GAB2: variants seen among roughly 807,000 people sequenced by gnomAD.
GAB2 encodes GRB2-associated-binding protein 2.
A neutral mutation model predicts 65.5 loss-of-function variants in GAB2; 26 were observed. The ratio of observed to expected loss-of-function variants is 0.40; its 90% confidence interval spans 0.29 to 0.55. The LOEUF (loss-of-function observed/expected upper bound fraction) is 0.55, where lower values mean the gene tolerates loss of function less well. GAB2 is among the 20% of genes least tolerant of loss of function. GAB2 has a pLI of 0.53. For synonymous variants in GAB2, 321 were observed against 329.6 expected (o/e 0.97, Z 0.28); for missense variants, 884 against 875.8 (o/e 1.01, Z -0.12).
chr11:78,411,899 G>A lies in GAB2; in HGVS notation c.75+5747C>T, dbSNP rs111619706. Among the ~76,000 whole-genome samples the A allele has an allele frequency of 4.6e-3, 693 of 152,048 alleles. 6 individuals are homozygous for A. The highest frequency in any genetic ancestry group is 7.5e-3 in the Non-Finnish European group (510 of 67,964). On this transcript the variant is annotated intron_variant, in intron 1 of 9. Coordinates refer to ENST00000361507, the MANE Select transcript of GAB2 (RefSeq NM_080491.3). ...ACAAAAATGAGCTGGGCATGGTGGC[G>A]CACACCTGTAGTCCCAGCTACTCAG...
intron 1 of GAB2, among the ~76,000 whole-genome samples, chr11:78,300,647 A>G (rs74405979): frequency 0.052 from 7,393 of 142,780 alleles, 625 homozygotes; most frequent in African/African-American, 0.18. Flanking sequence ...ACTGTAGGGG[A>G]TGGGTAATGT....
At chr11:78,272,031 C>T (rs1436783034) in intron 2 of GAB2, among the ~76,000 whole-genome samples, 1 of 152,236 alleles carries the variant, frequency 6.6e-6, no homozygotes, top group African/African-American at 2.4e-5. Flanking sequence ...ATTTGCTCCT[C>T]CTTTCCTTCT....
chr11:78,385,977 CCTGT>C (rs1437422165), intron 1 of GAB2, among the ~76,000 whole-genome samples: 4 of 152,102 alleles, frequency 2.6e-5, no homozygotes, highest in Admixed American at 2.0e-4. Context: ...GATATCTTTA[CCTGT>C]CTATCTATAC....
intron 1 of GAB2, among the ~76,000 whole-genome samples, chr11:78,315,145 G>A (rs1012117077): frequency 6.6e-6 from 1 of 152,194 alleles, no homozygotes; most frequent in Non-Finnish European, 1.5e-5. Flanking sequence ...CAGGGGGGAG[G>A]AGGTCTCTGA....
chr11:78,354,439 T>TTA (rs898469348), intron 1 of GAB2, among the ~76,000 whole-genome samples: 21 of 151,796 alleles, frequency 1.4e-4, no homozygotes, highest in South Asian at 2.1e-4. Context: ...GACATATATA[T>TTA]TATATATATA....
chr11:78,301,608 C>T (rs1233761534), intron 1 of GAB2, among the ~76,000 whole-genome samples: 1 of 152,176 alleles, frequency 6.6e-6, no homozygotes, highest in African/African-American at 2.4e-5. Flanking sequence ...GTTGGGATTA[C>T]AGGCGTGAGC....
At chr11:78,291,294 C>CAAAAAAAA (rs397848614) in intron 1 of GAB2, among the ~76,000 whole-genome samples, 6 of 103,892 alleles carry the variant, frequency 5.8e-5, no homozygotes, top group Non-Finnish European at 9.4e-5. Flanking sequence ...ACTAAAACGA[C>CAAAAAAAA]AAAAAAAAAA....
At chr11:78,383,150 T>C (rs770834433) in intron 1 of GAB2, among the ~76,000 whole-genome samples, 13 of 152,274 alleles carry the variant, frequency 8.5e-5, no homozygotes, top group Non-Finnish European at 1.9e-4. Context: ...CACATGCCTG[T>C]AGTCCCAGCT....
chr11:78,287,700 G>C (rs968317342), intron 1 of GAB2, among the ~76,000 whole-genome samples: 2 of 149,244 alleles, frequency 1.3e-5, no homozygotes, highest in African/African-American at 5.0e-5. Flanking sequence ...TCAGGGTGGA[G>C]TGCAGTGGCA....
In GAB2 at chr11:78,259,380, G is replaced by A. The variant is rs142964010; in HGVS notation, c.377-8980C>T. Among the ~76,000 whole-genome samples, 601 of 152,268 alleles carry A rather than the reference G, an allele frequency of 3.9e-3. 2 individuals carry two copies. The highest frequency in any genetic ancestry group is 6.9e-3 in the Non-Finnish European group (468 of 68,026). On this transcript the variant is annotated intron_variant, in intron 2 of 9. Transcript: ENST00000361507. ...AAAGTTCTAGTGCAGAGAGGATGACGAAAGAATTTTGACAACAGTATTTGA... is the reference window on the plus strand; with the variant it reads ...AAAGTTCTAGTGCAGAGAGGATGACAAAAGAATTTTGACAACAGTATTTGA...
rs185085027 is a variant in GAB2 at position 78,222,772 on chromosome 11, G to A, written c.1568-577C>T. Among the ~76,000 whole-genome samples, 31 of 152,118 alleles carry A rather than the reference G, an allele frequency of 2.0e-4. No homozygotes were observed. The East Asian group carries it at 5.0e-3, about 25-fold the overall frequency. ...TAATTTTTATATTTTTAGTAGAGAC[G>A]GGGTTTCACTATTTTGGCCAGGCTG... On this transcript the variant is annotated intron_variant, in intron 6 of 9. Transcript: ENST00000361507.
At chr11:78,309,949 TGTGTGTGTGTGTGTGTGTGTGTGCGC>T (rs1454295967) in intron 1 of GAB2, among the ~76,000 whole-genome samples, 104 of 139,152 alleles carry the variant, frequency 7.5e-4, no homozygotes, top group African/African-American at 3.4e-3. Flanking sequence ...TGTGTGTGTG[TGTGTGTGTGTGTGTGTGTGTGTGCGC>T]GCGCGCCTGT....
chr11:78,341,122 C>T (rs1158384663), intron 1 of GAB2, among the ~76,000 whole-genome samples: 3 of 152,220 alleles, frequency 2.0e-5, no homozygotes, highest in Non-Finnish European at 4.4e-5. Flanking sequence ...TACTATCTTA[C>T]TTTACCCTGT....
intron 2 of GAB2, among the ~76,000 whole-genome samples, chr11:78,266,214 CAA>C (rs11445907): frequency 0.04 from 2,568 of 64,834 alleles, 66 homozygotes; most frequent in African/African-American, 0.15. Context: ...GACTCCATCT[CAA>C]AAAAAAAAAA....
rs1864158642 is a variant in GAB2, at chr11:78,216,592, G to A, written c.*2680C>T. 6.7e-6 allele frequency: 1 copy of A among 149,386 alleles called. No individual in the cohort carries two copies. Among genetic ancestry groups the A allele is most frequent in the Non-Finnish European group, 1.5e-5 (1 of 67,878 alleles). The allele number at this position is 149,386 out of a possible 1,614,324, so 9.3% of individuals were successfully genotyped here. On this transcript the variant is annotated 3_prime_UTR_variant, in exon 10 of 10. Coordinates refer to ENST00000361507, the MANE Select transcript of GAB2 (RefSeq NM_080491.3). Reference sequence around the variant, plus strand: ...TGGTAGTTACCAGAATAGGGGGCTGGAAGGAAGCCTCCTGGTAGTTACCAG... The same window carrying A: ...TGGTAGTTACCAGAATAGGGGGCTGAAAGGAAGCCTCCTGGTAGTTACCAG...
At chr11:78,327,122 AG>A (rs1176895227) in intron 1 of GAB2, among the ~76,000 whole-genome samples, 1 of 152,212 alleles carries the variant, frequency 6.6e-6, no homozygotes, top group African/African-American at 2.4e-5. Context: ...ATACGTACTG[AG>A]CATCTGTGGT....
At chr11:78,353,318 G>A (rs1306627106) in intron 1 of GAB2, among the ~76,000 whole-genome samples, 2 of 152,162 alleles carry the variant, frequency 1.3e-5, no homozygotes, top group African/African-American at 2.4e-5. Flanking sequence ...GTGTGTACCT[G>A]TAATCCCAGC....
intron 6 of GAB2, 40 bp from the exon 7 acceptor site, chr11:78,222,235 G>A: frequency 7.7e-7 from 1 of 1,304,024 alleles, no homozygotes; most frequent in Admixed American, 1.7e-5. Context: ...AGCCAGTAAT[G>A]ATAATGCTAC....
At chr11:78,280,421 A>G (rs902568326) in intron 2 of GAB2, 180 bp downstream of exon 2, 2 of 620,436 alleles carry the variant, frequency 3.2e-6, no homozygotes, top group African/African-American at 3.7e-5. Context: ...GTTTCCAGTT[A>G]GAGCATAATT....
Sources: gnomAD v4.1 joint callset for allele counts (sites outside exome capture counted in the v4.1 genomes callset) on GRCh38, gnomAD v4.1.1 for gene constraint, MANE v1.5 for transcripts, NCBI Gene and HGNC (gene_info 2026-07-23, HGNC 2026-07-21) for gene names.